Variants in HDAC4 observed in about 807,000 individuals in gnomAD.
HDAC4 encodes the protein histone deacetylase A.
A neutral mutation model predicts 135.1 loss-of-function variants in HDAC4; 16 were observed. The observed-to-expected ratio is 0.12, with a 90% CI of 0.08 to 0.18. The LOEUF is 0.18. Ranked by LOEUF, HDAC4 falls within the 10% of genes least tolerant of loss-of-function variation. HDAC4 has a pLI of 1.00. For synonymous variants in HDAC4, 685 were observed against 653.4 expected (o/e 1.05, Z -0.74); for missense variants, 1,143 against 1,511.8 (o/e 0.76, Z 4.05).
intron 12 of HDAC4, among the ~76,000 whole-genome samples, chr2:239,123,703 G>A (rs1163811994): frequency 2.6e-5 from 4 of 152,220 alleles, no homozygotes; most frequent in African/African-American, 9.7e-5. Flanking sequence ...CTGGAACTGT[G>A]GGGCTTGAGA....
chr2:239,213,797 G>C (rs1279190048), intron 3 of HDAC4, among the ~76,000 whole-genome samples: 2 of 152,232 alleles, frequency 1.3e-5, no homozygotes, highest in South Asian at 4.1e-4. Context: ...CAGCTCCCTG[G>C]AGCGCTTGCA....
chr2:239,066,508 A>G (rs2033505977), intron 24 of HDAC4, among the ~76,000 whole-genome samples: 1 of 152,224 alleles, frequency 6.6e-6, no homozygotes, highest in Admixed American at 6.5e-5. Flanking sequence ...GGCTCCTTCC[A>G]GTCCTGCCCC....
At chr2:239,161,754 AC>A in intron 6 of HDAC4, 2 of 413,106 alleles carry the variant, frequency 4.8e-6, no homozygotes, top group Non-Finnish European at 9.6e-6. Flanking sequence ...CACCTTGAAC[AC>A]CCAGCTCACC....
chr2:239,065,906 G>T (rs1002349532), intron 24 of HDAC4, among the ~76,000 whole-genome samples: 2 of 152,228 alleles, frequency 1.3e-5, no homozygotes, highest in Admixed American at 1.3e-4. Flanking sequence ...CCCTGTAGAC[G>T]GGTTCAGAGG....
chr2:239,241,979 C>T (rs1446003412), intron 2 of HDAC4, among the ~76,000 whole-genome samples: 1 of 151,798 alleles, frequency 6.6e-6, no homozygotes, highest in East Asian at 1.9e-4. Flanking sequence ...TCTTCCAGAT[C>T]ATCTTGGGCA....
intron 24 of HDAC4, among the ~76,000 whole-genome samples, chr2:239,063,755 C>G (rs1421372543): frequency 6.6e-6 from 1 of 152,226 alleles, no homozygotes; most frequent in Non-Finnish European, 1.5e-5. Context: ...CTCACTGACC[C>G]CCAGGGTCAC....
intron 5 of HDAC4, among the ~76,000 whole-genome samples, chr2:239,169,973 C>G (rs2043351949): frequency 6.6e-6 from 1 of 152,198 alleles, no homozygotes. Flanking sequence ...AAAATTAGAC[C>G]TACAATGGAA....
chr2:239,210,946 T>G (rs544212995), intron 3 of HDAC4, among the ~76,000 whole-genome samples: 1 of 152,300 alleles, frequency 6.6e-6, no homozygotes, highest in African/African-American at 2.4e-5. Context: ...GGCATGAACC[T>G]GATCACAGAA....
intron 2 of HDAC4, among the ~76,000 whole-genome samples, chr2:239,316,550 G>T (rs1485497748): frequency 4.6e-5 from 7 of 152,238 alleles, no homozygotes; most frequent in Non-Finnish European, 8.8e-5. Context: ...GGAGGCTGTA[G>T]TGAGCTGTGA....
chr2:239,309,949 G>A lies in HDAC4; in HGVS notation c.22+42729C>T, dbSNP rs527420590. 4.6e-5 allele frequency among the ~76,000 whole-genome samples: 7 copies of A among 152,316 alleles called. No individual in the cohort carries two copies. Among genetic ancestry groups the A allele is most frequent in the African/African-American group, 9.6e-5 (4 of 41,576 alleles). ...GAAGGGAGGGTGGCCAGGGTGGCCC[G>A]AGCCAGCATCAGGCACAAGGCCCAA... is the stretch of plus-strand genomic sequence containing the variant. On this transcript the variant is annotated intron_variant, in intron 2 of 26. Transcript: ENST00000543185. This position sits in a 1 kb window ranked among gnomAD's most constrained non-coding sequence, Gnocchi z 4.2.
chr2:239,264,734 G>C (rs180814662), intron 2 of HDAC4, among the ~76,000 whole-genome samples: 3 of 152,182 alleles, frequency 2.0e-5, no homozygotes, highest in Non-Finnish European at 4.4e-5. Context: ...GCATTTCTTG[G>C]GGGGAGGCTC....
At chr2:239,364,353 TAAAC>T (rs775777744) in intron 1 of HDAC4, among the ~76,000 whole-genome samples, 12 of 152,062 alleles carry the variant, frequency 7.9e-5, no homozygotes, top group African/African-American at 2.4e-4. Flanking sequence ...GCAGTAAAAA[TAAAC>T]AAACTACACC....
At chr2:239,294,221 A>G (rs2051709073) in intron 2 of HDAC4, among the ~76,000 whole-genome samples, 1 of 152,180 alleles carries the variant, frequency 6.6e-6, no homozygotes, top group South Asian at 2.1e-4. Context: ...AGTGACTCAG[A>G]CAAGGACCGC....
chr2:239,390,656 G>A (rs986570608), intron 1 of HDAC4, among the ~76,000 whole-genome samples: 1 of 152,062 alleles, frequency 6.6e-6, no homozygotes, highest in African/African-American at 2.4e-5. Context: ...GGCACCATGC[G>A]GCCGCAGCCC....
intron 2 of HDAC4, among the ~76,000 whole-genome samples, chr2:239,263,680 T>A (rs1226793243): frequency 1.3e-5 from 2 of 152,040 alleles, no homozygotes; most frequent in Non-Finnish European, 2.9e-5. Flanking sequence ...GTCAGGACAG[T>A]CAGGAAAGGC....
At chr2:239,388,828 A>G (rs182292584) in intron 1 of HDAC4, among the ~76,000 whole-genome samples, 11 of 152,268 alleles carry the variant, frequency 7.2e-5, no homozygotes, top group Admixed American at 5.2e-4. Flanking sequence ...CTGAGCTGCC[A>G]TTACTTCTAT....
At position 239,307,044 on chromosome 2, in the gene HDAC4, G is replaced by A. The variant is rs990242234; in HGVS notation, c.22+45634C>T. ...GCCATCCTTCCCACTCTCGCCCTCC[G>A]GCCTTCATTCAGCACTCTGGTGAGC... On this transcript the variant is annotated intron_variant, in intron 2 of 26. Transcript: ENST00000543185. The surrounding 1 kb of genome is among the most constrained non-coding windows in gnomAD (Gnocchi z 4.8). Among the ~76,000 whole-genome samples, 2 of 152,116 alleles carry A rather than the reference G, an allele frequency of 1.3e-5. No homozygotes were observed. Among genetic ancestry groups the A allele is most frequent in the East Asian group, 3.9e-4 (2 of 5,156 alleles).
In HDAC4 at chr2:239,246,684, G is replaced by A. The variant is rs771676748; in HGVS notation, c.23-10020C>T. Among the ~76,000 whole-genome samples the A allele has an allele frequency of 1.9e-4, 29 of 152,254 alleles. 1 individual carries two copies. The highest frequency in any genetic ancestry group is 1.2e-4 in the Non-Finnish European group (8 of 68,036). On this transcript the variant is annotated intron_variant, in intron 2 of 26. Transcript: ENST00000543185. ...TAGACGGTTCTGCAGGGCCTGGCAT[G>A]GCCAGGCTGCTTCCTCCCTAAGTAA...
intron 4 of HDAC4, among the ~76,000 whole-genome samples, chr2:239,178,328 T>A (rs1273091763): frequency 2.0e-5 from 3 of 152,164 alleles, no homozygotes; most frequent in Non-Finnish European, 4.4e-5. Flanking sequence ...TGGAGTGCAG[T>A]GGCGCAATCA....
Sources: gnomAD v4.1 joint callset for allele counts (sites outside exome capture counted in the v4.1 genomes callset) on GRCh38, gnomAD v4.1.1 for gene constraint, Gnocchi (gnomAD v3.1) non-coding constraint, MANE v1.5 for transcripts, NCBI Gene and HGNC (gene_info 2026-07-23, HGNC 2026-07-21) for gene names.